NEO1: variants seen among roughly 807,000 people sequenced by gnomAD.
The protein encoded by NEO1 is neogenin 1, also known as neogenin.
Under a neutral mutation model 159.7 loss-of-function variants are expected in NEO1, and 63 were observed. That is an observed-to-expected ratio of 0.39 (90% CI 0.32 to 0.49). NEO1 has a LOEUF of 0.49. Among genes scored for constraint, NEO1 ranks in the 20% least tolerant of loss-of-function variants. NEO1 has a pLI of 0.85. For synonymous variants in NEO1, 633 were observed against 662.0 expected (o/e 0.96, Z 0.67); for missense variants, 1,615 against 1,831.0 (o/e 0.88, Z 2.15).
At chr15:73,105,133 T>G (rs1384251744) in intron 1 of NEO1, among the ~76,000 whole-genome samples, 1 of 152,182 alleles carries the variant, frequency 6.6e-6, no homozygotes, top group Non-Finnish European at 1.5e-5. Context: ...AGTGAAGTGT[T>G]TTCATTATAA....
At chr15:73,150,656 A>G (rs922375046) in intron 5 of NEO1, among the ~76,000 whole-genome samples, 1 of 152,202 alleles carries the variant, frequency 6.6e-6, no homozygotes, top group Non-Finnish European at 1.5e-5. Context: ...TAAAATTTAT[A>G]TACAGTGTAA....
intron 1 of NEO1, among the ~76,000 whole-genome samples, chr15:73,065,200 A>G (rs1485046739): frequency 6.6e-6 from 1 of 151,862 alleles, no homozygotes; most frequent in East Asian, 1.9e-4. Flanking sequence ...GATCCATCAG[A>G]TGTTATTTCA....
At chr15:73,131,068 C>T (rs1201254139) in intron 4 of NEO1, among the ~76,000 whole-genome samples, 1 of 152,188 alleles carries the variant, frequency 6.6e-6, no homozygotes, top group Admixed American at 6.5e-5. Flanking sequence ...CCCCCACACA[C>T]ACCCACTTTC....
intron 23 of NEO1, among the ~76,000 whole-genome samples, chr15:73,284,579 CTTTTTTTTTTT>C (rs948774194): frequency 4.2e-4 from 58 of 137,190 alleles, no homozygotes; most frequent in African/African-American, 1.5e-3. Flanking sequence ...ATAGCTCTTC[CTTTTTTTTTTT>C]TTTTTTTTCT....
At chr15:73,152,839 T>C (rs1444713112) in intron 5 of NEO1, among the ~76,000 whole-genome samples, 2 of 152,058 alleles carry the variant, frequency 1.3e-5, no homozygotes, top group Non-Finnish European at 1.5e-5. Flanking sequence ...CGTTCTTCTG[T>C]GTTGATGATT....
At position 73,301,202 on chromosome 15, in the gene NEO1, T is replaced by A; in HGVS notation, c.4166-119T>A. The A allele has an allele frequency of 3.9e-6, 5 of 1,290,650 alleles. No homozygotes were observed. In the South Asian group the frequency reaches 7.0e-5, roughly 18 times the overall value. 79.9% of individuals were successfully genotyped at this position (1,290,650 alleles called of 1,614,324 possible). On this transcript the variant is annotated intron_variant, in intron 27 of 28. Transcript: ENST00000261908. ...ATTCCAGTAACTTTTCAGAGCAGTA[T>A]CCCTGCACTGGGTCTGTATGTCTCT...
intron 5 of NEO1, among the ~76,000 whole-genome samples, chr15:73,138,560 TC>T (rs2032018996): frequency 6.6e-6 from 1 of 151,766 alleles, no homozygotes; most frequent in Non-Finnish European, 1.5e-5. Flanking sequence ...ATCGAGATCA[TC>T]CCGGCTAAAA....
In NEO1 at chr15:73,278,171, A is replaced by G. The variant is rs756746563; in HGVS notation, c.3234A>G (p.Leu1078=). Residue 1078 remains leucine, a synonymous_variant, in exon 22 of 29, where the codon CTA becomes CTG. Coordinates refer to ENST00000261908, the MANE Select transcript of NEO1 (RefSeq NM_002499.4). ...SGGKGSRLPD[L]GSDYKPPMSG... ...GGAAAGGAAGCCGGCTGCCAGACCT[A>G]GGATCCGACTACAAACCTCCAATGA... The G allele has an allele frequency of 1.2e-6, 2 of 1,613,190 alleles. No individual in the cohort carries two copies. Among genetic ancestry groups the G allele is most frequent in the Admixed American group, 1.7e-5 (1 of 60,000 alleles).
chr15:73,196,000 A>C (rs1354197535), intron 7 of NEO1, among the ~76,000 whole-genome samples: 1 of 152,220 alleles, frequency 6.6e-6, no homozygotes, highest in African/African-American at 2.4e-5. Flanking sequence ...CACTAAGCTC[A>C]TTGAAAGTCA....
At position 73,200,274 on chromosome 15, in the gene NEO1, ATTTGTGTCT is replaced by A. The variant is rs537257574; in HGVS notation, c.1291+21851_1291+21859del. Among the ~76,000 whole-genome samples the A allele has an allele frequency of 2.4e-3, 358 of 152,054 alleles. 1 individual carries two copies. The highest frequency in any genetic ancestry group is 8.3e-3 in the African/African-American group (343 of 41,476). ...GTTTATCCTTGTATGAATTTTTGTA[ATTTGTGTCT>A]TTTAAGAAATTGGTTGGCCCAGAGT... On this transcript the variant is annotated intron_variant, in intron 7 of 28. Transcript: ENST00000261908.
At chr15:73,058,900 T>C (rs1243770790) in intron 1 of NEO1, among the ~76,000 whole-genome samples, 2 of 152,222 alleles carry the variant, frequency 1.3e-5, no homozygotes, top group Non-Finnish European at 2.9e-5. Flanking sequence ...TGGTCATTTC[T>C]GGTTTTCAGA....
At chr15:73,267,604 G>T (rs1002162949) in intron 16 of NEO1, among the ~76,000 whole-genome samples, 15 of 139,962 alleles carry the variant, frequency 1.1e-4, no homozygotes, top group African/African-American at 4.1e-4. Flanking sequence ...TGTTCTCATT[G>T]TTCAGCTCCC....
chr15:73,241,695 C>G (rs1030359592), intron 8 of NEO1, among the ~76,000 whole-genome samples: 3 of 152,198 alleles, frequency 2.0e-5, no homozygotes, highest in Non-Finnish European at 4.4e-5. Context: ...CTGAGTCCCA[C>G]TGTAACCCCA....
At position 73,052,815 on chromosome 15, in the gene NEO1, G is replaced by T; in HGVS notation, c.130+10G>T. On this transcript the variant is annotated intron_variant, in intron 1 of 28. Coordinates refer to ENST00000261908, the MANE Select transcript of NEO1 (RefSeq NM_002499.4). ...GCGCCGCAGTCCCCAGGTAAGCGGC[G>T]GGCGCGGGCCCGGGGGTTCGCGGGG... 1.1e-6 allele frequency: 1 copy of T among 873,814 alleles called. No individual in the cohort carries two copies. The highest frequency in any genetic ancestry group is 1.4e-6 in the Non-Finnish European group (1 of 711,608). 54.1% of individuals were successfully genotyped at this position (873,814 alleles called of 1,614,324 possible). A position where few individuals can be genotyped will look rare whatever the true frequency, so the allele number is the denominator to read the frequency against.
chr15:73,213,092 T>G (rs547204346), intron 7 of NEO1, among the ~76,000 whole-genome samples: 1 of 152,344 alleles, frequency 6.6e-6, no homozygotes, highest in African/African-American at 2.4e-5. Context: ...ATATGTATTA[T>G]TTTTATAACA....
chr15:73,111,305 A>G (rs79845593), intron 1 of NEO1, among the ~76,000 whole-genome samples: 2 of 152,174 alleles, frequency 1.3e-5, no homozygotes, highest in African/African-American at 2.4e-5. Context: ...TATCTTGACA[A>G]TCTTTTAATC....
Position 73,288,438 on chromosome 15 carries a change from C to T in NEO1, c.3536C>T (p.Pro1179Leu), listed in dbSNP as rs2042030874. 3 of 1,614,116 alleles carry T rather than the reference C, an allele frequency of 1.9e-6. No homozygotes were observed. The highest frequency in any genetic ancestry group is 2.5e-6 in the Non-Finnish European group (3 of 1,180,010). The change falls in exon 24 of 29, where the codon CCA becomes CTA. Residue 1179 changes from proline to leucine, a missense_variant. By Grantham distance (98) the Pro-to-Leu change is moderately conservative. Transcript: ENST00000261908. ...GAGCTGAAACCCATTGATAAGTCTC[C>T]AGACCCAAACCCCATCATGACTGAT... ...RLELKPIDKS[P>L]DPNPIMTDTP...
intron 1 of NEO1, among the ~76,000 whole-genome samples, chr15:73,095,560 AGGAACAGTTTGAT>A (rs1249753014): frequency 6.6e-6 from 1 of 152,166 alleles, no homozygotes; most frequent in African/African-American, 2.4e-5. Flanking sequence ...TATTGCCACC[AGGAACAGTTTGAT>A]GGGGAAAGAT....
In NEO1 at chr15:73,272,554, A is replaced by T; in HGVS notation, c.2957A>T (p.Lys986Ile). ...CAGCCTCCCTCCGAAGCCAATGGCA[A>T]AATTACAGGTAAAATGCAATCAAGT... is the stretch of plus-strand genomic sequence containing the variant. ...NWQPPSEANGKITGYIIYYST... is the reference protein window; with the variant it reads ...NWQPPSEANGIITGYIIYYST... The change falls in exon 19 of 29, where the codon AAA becomes ATA. Residue 986 changes from lysine (K) to isoleucine (I), a missense_variant. Physicochemically the swap from Lys to Ile is moderately radical, Grantham distance 102 (BLOSUM62 -3). Transcript: ENST00000261908. 6.2e-7 allele frequency: 1 copy of T among 1,605,274 alleles called. No homozygotes were observed. The highest frequency in any genetic ancestry group is 8.5e-7 in the Non-Finnish European group (1 of 1,171,876).
Sources: gnomAD v4.1 joint callset for allele counts (sites outside exome capture counted in the v4.1 genomes callset) on GRCh38, gnomAD v4.1.1 for gene constraint, MANE v1.5 for transcripts, NCBI Gene and HGNC (gene_info 2026-07-23, HGNC 2026-07-21) for gene names.